Variants in STT3B observed in about 807,000 individuals in gnomAD.
STT3B encodes STT3 oligosaccharyltransferase complex catalytic subunit B.
A neutral mutation model predicts 96.8 loss-of-function variants in STT3B; 29 were observed. The observed-to-expected ratio is 0.30, with a 90% confidence interval of 0.22 to 0.41. STT3B has a LOEUF of 0.41. Among genes scored for constraint, STT3B ranks in the 10% least tolerant of loss-of-function variants. STT3B has a pLI of 1.00. For synonymous variants in STT3B, 367 were observed against 360.0 expected, an observed-to-expected ratio of 1.02 and a Z score of -0.22; for missense variants, 640 against 1,022.3, an observed-to-expected ratio of 0.63 and a Z score of 5.10.
At chr3:31,629,179 A>C in intron 13 of STT3B, 119 bp from the exon 14 acceptor site, 1 of 660,334 alleles carries the variant, frequency 1.5e-6, no homozygotes, top group Non-Finnish European at 2.7e-6. Context: ...GGTGTAACTG[A>C]ATATGGCTTT....
chr3:31,591,567 T>G (rs1698663528), intron 3 of STT3B, among the ~76,000 whole-genome samples: 1 of 152,164 alleles, frequency 6.6e-6, no homozygotes, highest in Admixed American at 6.5e-5. Context: ...GAACGAATTA[T>G]GCATCTTAAT....
At chr3:31,581,228 C>T (rs527444137) in intron 3 of STT3B, among the ~76,000 whole-genome samples, 1 of 152,022 alleles carries the variant, frequency 6.6e-6, no homozygotes, top group East Asian at 1.9e-4. Flanking sequence ...AATGGGTTTT[C>T]CTGAGGGTGG....
At chr3:31,587,375 A>G (rs1698565827) in intron 3 of STT3B, among the ~76,000 whole-genome samples, 1 of 151,960 alleles carries the variant, frequency 6.6e-6, no homozygotes, top group Non-Finnish European at 1.5e-5. Context: ...ATTCCATATA[A>G]AAGGAATTAT....
intron 3 of STT3B, among the ~76,000 whole-genome samples, chr3:31,583,504 ATAGAGT>A (rs957846711): frequency 1.8e-4 from 27 of 152,078 alleles, no homozygotes; most frequent in Admixed American, 1.4e-3. Flanking sequence ...TTTGAATTTT[ATAGAGT>A]TAAAGTCTGT....
intron 1 of STT3B, among the ~76,000 whole-genome samples, chr3:31,572,590 G>A (rs1442983303): frequency 6.6e-6 from 1 of 152,184 alleles, no homozygotes; most frequent in African/African-American, 2.4e-5. Context: ...GGCCTGGTGC[G>A]ATGGCTCACG....
chr3:31,580,956 C>G (rs1399124801), intron 3 of STT3B, among the ~76,000 whole-genome samples: 2 of 150,584 alleles, frequency 1.3e-5, no homozygotes, highest in African/African-American at 4.9e-5. Context: ...AAAAAAACAC[C>G]TTAAAATCGA....
In STT3B at chr3:31,637,108, T is replaced by G. The variant is rs973506654; in HGVS notation, c.*1044T>G. 1.3e-5 allele frequency: 2 copies of G among 152,178 alleles called. No individual in the cohort carries two copies. Among genetic ancestry groups the G allele is most frequent in the Non-Finnish European group, 2.9e-5 (2 of 68,026 alleles). The allele number at this position is 152,178 out of a possible 1,614,324, so 9.4% of individuals were successfully genotyped here. A position where few individuals can be genotyped will look rare whatever the true frequency, so the allele number is the denominator to read the frequency against. ...GCTATATGCATTTTCTTACTTTTGT[T>G]AAAAATGTGACAGTTGTCAAAAAAT... On this transcript the variant is annotated 3_prime_UTR_variant, in exon 16 of 16. Coordinates refer to ENST00000295770, the MANE Select transcript of STT3B (RefSeq NM_178862.3).
intron 3 of STT3B, among the ~76,000 whole-genome samples, chr3:31,582,650 A>T (rs940282753): frequency 6.6e-6 from 1 of 151,616 alleles, no homozygotes; most frequent in Non-Finnish European, 1.5e-5. Context: ...TTTTGACTTG[A>T]GATTTTTTTT....
At chr3:31,565,429 A>G (rs541821781) in intron 1 of STT3B, among the ~76,000 whole-genome samples, 2 of 152,320 alleles carry the variant, frequency 1.3e-5, no homozygotes, top group Admixed American at 6.5e-5. Context: ...AAGAGGAAGG[A>G]GTTGTTGTAC....
rs1159413976 is a variant in STT3B, at chr3:31,579,280, CT to C, written c.424-525del. Among the ~76,000 whole-genome samples, 6 of 152,030 alleles carry C rather than the reference CT, an allele frequency of 3.9e-5. No homozygotes were observed. In the East Asian group the frequency reaches 9.7e-4, roughly 25 times the overall value. The stretch of plus-strand genomic sequence containing the variant: ...TCTTTTCCTAGCTAGACTGTTCCCT[CT>C]TTTCCTTGCTTACTTTCCAAATCTA... On this transcript the variant is annotated intron_variant, in intron 2 of 15. Coordinates refer to ENST00000295770, the MANE Select transcript of STT3B (RefSeq NM_178862.3).
Position 31,617,975 on chromosome 3 carries a change from T to C in STT3B, c.1159T>C (p.Leu387=), listed in dbSNP as rs750991832. The change falls in exon 8 of 16, where the codon TTG becomes CTG. Residue 387 remains leucine, a synonymous_variant. Coordinates refer to ENST00000295770, the MANE Select transcript of STT3B (RefSeq NM_178862.3). ...ACCATGGAGTGGCAGGTTTTATTCA[T>C]TGTGGGATACTGGGTAAGTACAGTT... ...IAPWSGRFYS[L]WDTGYAKIHI... 3 of 1,602,498 alleles carry C rather than the reference T, an allele frequency of 1.9e-6. No individual in the cohort carries two copies. The highest frequency in any genetic ancestry group is 1.7e-4 in the Middle Eastern group (1 of 6,040).
At position 31,580,042 on chromosome 3, in the gene STT3B, C is replaced by T. The variant is rs145698887; in HGVS notation, c.657C>T (p.Ser219=). 35 of 1,613,500 alleles carry T rather than the reference C, an allele frequency of 2.2e-5. No individual in the cohort carries two copies. The African/African-American group carries it at 3.9e-4, about 18-fold the overall frequency. The change falls in exon 3 of 16, where the codon TCC becomes TCT. Residue 219 remains serine, a synonymous_variant. Coordinates refer to ENST00000295770, the MANE Select transcript of STT3B (RefSeq NM_178862.3). The stretch of plus-strand genomic sequence containing the variant: ...ACATATCTCGGTCAGTAGCTGGATC[C>T]TTTGATAATGAAGGCATTGCTATTT... ...PGYISRSVAG[S]FDNEGIAIFA... is the part of the protein sequence containing the mutation.
intron 10 of STT3B, among the ~76,000 whole-genome samples, chr3:31,622,586 A>G (rs1699452652): frequency 6.6e-6 from 1 of 152,138 alleles, no homozygotes; most frequent in South Asian, 2.1e-4. Context: ...ATACCCTTCC[A>G]TTTTTGAGAG....
intron 1 of STT3B, 73 bp downstream of exon 1, chr3:31,533,385 C>T (rs1696993795): frequency 7.3e-7 from 1 of 1,371,420 alleles, no homozygotes; most frequent in Non-Finnish European, 9.5e-7. Context: ...CCCGCCGCAG[C>T]TCTCCTCGAC....
chr3:31,568,041 GCTCT>G (rs1371727792), intron 1 of STT3B, among the ~76,000 whole-genome samples: 2 of 148,188 alleles, frequency 1.3e-5, no homozygotes, highest in Non-Finnish European at 3.0e-5. Flanking sequence ...TCATCATTCT[GCTCT>G]CTATCTCCAT....
intron 2 of STT3B, among the ~76,000 whole-genome samples, chr3:31,579,193 A>C (rs530213126): frequency 6.6e-6 from 1 of 152,160 alleles, no homozygotes; most frequent in East Asian, 1.9e-4. Context: ...ATGTGGTATA[A>C]AAAATTTAAT....
intron 3 of STT3B, among the ~76,000 whole-genome samples, chr3:31,581,204 G>A (rs1314257013): frequency 6.6e-6 from 1 of 151,966 alleles, no homozygotes; most frequent in Non-Finnish European, 1.5e-5. Context: ...CTGCATGTAC[G>A]CCAGCTTTGT....
At chr3:31,621,953 T>C (rs2125475673) in intron 9 of STT3B, 144 bp from the exon 10 acceptor site, 1 of 626,874 alleles carries the variant, frequency 1.6e-6, no homozygotes, top group Non-Finnish European at 2.8e-6. Flanking sequence ...TAATCAGTTG[T>C]TCAGTAGTAT....
At chr3:31,573,978 G>T (rs1175626378) in intron 1 of STT3B, among the ~76,000 whole-genome samples, 3 of 151,958 alleles carry the variant, frequency 2.0e-5, no homozygotes, top group Non-Finnish European at 4.4e-5. Flanking sequence ...TGATAAAGAG[G>T]GAGAGGCCAA....
Sources: gnomAD v4.1 joint callset for allele counts (sites outside exome capture counted in the v4.1 genomes callset) on GRCh38, gnomAD v4.1.1 for gene constraint, MANE v1.5 for transcripts, NCBI Gene and HGNC (gene_info 2026-07-23, HGNC 2026-07-21) for gene names.